PTPRD: variants seen among roughly 807,000 people sequenced by gnomAD.
PTPRD encodes the protein receptor-type tyrosine-protein phosphatase delta.
A neutral mutation model predicts 214.5 loss-of-function variants in PTPRD; 34 were observed. The ratio of observed to expected loss-of-function variants is 0.16; its 90% CI spans 0.12 to 0.21. The LOEUF is 0.21. Ranked by LOEUF, PTPRD falls within the 10% of genes least tolerant of loss-of-function variation. The probability of loss-of-function intolerance (pLI) is 1.00; values close to 1 mark genes in which losing one functional copy is unlikely to be tolerated. For synonymous variants in PTPRD, 1,128 were observed against 845.7 expected (o/e 1.33, Z -5.79); for missense variants, 2,545 against 2,398.7 (o/e 1.06, Z -1.27).
Position 10,139,514 on chromosome 9 carries a change from G to GA in PTPRD, c.-544-105725dup, listed in dbSNP as rs1051404921. On this transcript the variant is annotated intron_variant, in intron 3 of 45. Transcript: ENST00000381196. ...ATCAACATCATTTTTCACAGAATTT[G>GA]AAAAAAAAAGCTATTATAAAATTCA... 5.5e-4 allele frequency among the ~76,000 whole-genome samples: 82 copies of GA among 149,704 alleles called. 1 individual carries two copies. Among genetic ancestry groups the GA allele is most frequent in the South Asian group, 1.9e-3 (9 of 4,740 alleles).
At chr9:10,240,337 C>T (rs1373466101) in intron 3 of PTPRD, among the ~76,000 whole-genome samples, 1 of 151,830 alleles carries the variant, frequency 6.6e-6, no homozygotes. Flanking sequence ...AAAGGGGTTT[C>T]AGCCATGACC....
At chr9:10,285,708 T>C (rs1000284413) in intron 3 of PTPRD, among the ~76,000 whole-genome samples, 8 of 149,182 alleles carry the variant, frequency 5.4e-5, no homozygotes, top group African/African-American at 7.5e-5. Context: ...CCTCCCAGGT[T>C]CACGCCATTC....
At chr9:9,984,011 TA>T (rs1435201622) in intron 4 of PTPRD, among the ~76,000 whole-genome samples, 1 of 152,088 alleles carries the variant, frequency 6.6e-6, no homozygotes, top group Non-Finnish European at 1.5e-5. Context: ...GATATCGAAG[TA>T]AAACAAAAAA....
chr9:9,725,314 C>CT (rs34712287), intron 7 of PTPRD, among the ~76,000 whole-genome samples: 26 of 145,380 alleles, frequency 1.8e-4, no homozygotes, highest in Admixed American at 5.5e-4. Flanking sequence ...CCTGCACAAG[C>CT]TTTTTTTTTT....
At chr9:9,582,950 T>C (rs1324522436) in intron 7 of PTPRD, among the ~76,000 whole-genome samples, 1 of 152,112 alleles carries the variant, frequency 6.6e-6, no homozygotes, top group Non-Finnish European at 1.5e-5. Flanking sequence ...AATTTCATTA[T>C]ACAATTGAAA....
intron 3 of PTPRD, among the ~76,000 whole-genome samples, chr9:10,056,896 G>C (rs1164531042): frequency 6.6e-6 from 1 of 152,054 alleles, no homozygotes; most frequent in African/African-American, 2.4e-5. Context: ...TTTATAAATT[G>C]TTCAACCTTG....
At chr9:9,937,753 A>G (rs2382082) in intron 5 of PTPRD, among the ~76,000 whole-genome samples, 54,898 of 152,004 alleles carry the variant, frequency 0.36, 10,587 homozygotes, top group East Asian at 0.74. Flanking sequence ...TGAATTACCC[A>G]TAAGTTATGT....
chr9:9,471,541 A>T (rs144262737), intron 8 of PTPRD, among the ~76,000 whole-genome samples: 1 of 152,348 alleles, frequency 6.6e-6, no homozygotes, highest in South Asian at 2.1e-4. Flanking sequence ...CTTAAATAGA[A>T]GTGAGTCACT....
At chr9:9,337,158 A>G (rs2044849042) in intron 9 of PTPRD, among the ~76,000 whole-genome samples, 1 of 152,194 alleles carries the variant, frequency 6.6e-6, no homozygotes, top group South Asian at 2.1e-4. Context: ...TGAGAAAGAA[A>G]CTATGAAGTA....
At chr9:8,748,151 C>G (rs1384387438) in intron 11 of PTPRD, among the ~76,000 whole-genome samples, 1 of 152,144 alleles carries the variant, frequency 6.6e-6, no homozygotes, top group East Asian at 1.9e-4. Context: ...CGGTTGTCAG[C>G]CAACCTCCCC....
intron 3 of PTPRD, among the ~76,000 whole-genome samples, chr9:10,266,411 G>A (rs1489919095): frequency 6.6e-6 from 1 of 152,140 alleles, no homozygotes; most frequent in Non-Finnish European, 1.5e-5. Flanking sequence ...AAAGCAATAA[G>A]AGAATGGATG....
chr9:9,721,796 C>T (rs898206460), intron 7 of PTPRD, among the ~76,000 whole-genome samples: 1 of 151,994 alleles, frequency 6.6e-6, no homozygotes, highest in Admixed American at 6.6e-5. Flanking sequence ...GTGAATTAAT[C>T]ACATTAGTAA....
At chr9:9,671,013 A>G (rs1200171042) in intron 7 of PTPRD, among the ~76,000 whole-genome samples, 1 of 152,142 alleles carries the variant, frequency 6.6e-6, no homozygotes, top group Non-Finnish European at 1.5e-5. Context: ...GAGGGCCACC[A>G]TACTCCAGAT....
intron 12 of PTPRD, among the ~76,000 whole-genome samples, chr9:8,644,021 C>G (rs956282859): frequency 6.6e-6 from 1 of 152,188 alleles, no homozygotes. Context: ...CATGGACCAG[C>G]TGGCATGCAC....
intron 4 of PTPRD, among the ~76,000 whole-genome samples, chr9:9,976,604 T>C (rs2095361482): frequency 1.4e-5 from 2 of 142,520 alleles, no homozygotes; most frequent in Admixed American, 1.5e-4. Context: ...GCCAGGCTGG[T>C]CTCAAAGTCC....
At chr9:8,906,447 C>A (rs1392219963) in intron 11 of PTPRD, among the ~76,000 whole-genome samples, 1 of 152,042 alleles carries the variant, frequency 6.6e-6, no homozygotes, top group African/African-American at 2.4e-5. Flanking sequence ...GTTTTCTCAC[C>A]TGTAAAACAG....
chr9:8,978,370 C>T (rs2099279984), intron 11 of PTPRD, among the ~76,000 whole-genome samples: 1 of 152,120 alleles, frequency 6.6e-6, no homozygotes, highest in African/African-American at 2.4e-5. Flanking sequence ...TAAGTACCCA[C>T]CGTTGTACTT....
chr9:10,447,636 A>G (rs2098808946), intron 2 of PTPRD, among the ~76,000 whole-genome samples: 2 of 152,012 alleles, frequency 1.3e-5, no homozygotes, highest in Admixed American at 1.3e-4. Context: ...TTATTTCTCA[A>G]ATACAGACAG....
chr9:9,173,389 T>A (rs957358449), intron 10 of PTPRD, among the ~76,000 whole-genome samples: 1 of 152,192 alleles, frequency 6.6e-6, no homozygotes, highest in Non-Finnish European at 1.5e-5. Flanking sequence ...TATCCATTTG[T>A]ACTGGTTGGG....
Sources: allele counts gnomAD v4.1 joint callset (sites outside exome capture counted in the v4.1 genomes callset), GRCh38; gene constraint gnomAD v4.1.1; transcripts MANE v1.5; gene names NCBI Gene and HGNC (gene_info 2026-07-23, HGNC 2026-07-21).